The following WDFY3 variants were observed in gnomAD, a reference collection of about 807,000 sequenced individuals.
The protein encoded by WDFY3 is WD repeat and FYVE domain-containing protein 3.
Under a neutral mutation model 409.6 loss-of-function variants are expected in WDFY3, and 66 were observed. The observed-to-expected ratio is 0.16, with a 90% CI of 0.13 to 0.20. WDFY3 has a LOEUF of 0.20. Among genes scored for constraint, WDFY3 ranks in the 10% least tolerant of loss-of-function variants. The pLI is 1.00. For missense variants in WDFY3, 3,031 were observed against 4,298.1 expected, an observed-to-expected ratio of 0.71 and a Z score of 8.24; for synonymous variants, 1,521 against 1,537.1, an observed-to-expected ratio of 0.99 and a Z score of 0.25.
intron 30 of WDFY3, among the ~76,000 whole-genome samples, chr4:84,768,779 C>T (rs543284763): frequency 2.3e-4 from 35 of 152,152 alleles, no homozygotes; most frequent in Non-Finnish European, 4.1e-4. Flanking sequence ...TTTGAATTAA[C>T]TTCAAAGTTT....
chr4:84,853,302 C>T (rs2150139104), intron 4 of WDFY3, among the ~76,000 whole-genome samples: 1 of 152,222 alleles, frequency 6.6e-6, no homozygotes, highest in Admixed American at 6.5e-5. Flanking sequence ...TCCTGAGTAG[C>T]TGGGATTACA....
intron 51 of WDFY3, among the ~76,000 whole-genome samples, chr4:84,712,373 T>TAAAAAA (rs998951453): frequency 9.3e-5 from 7 of 75,072 alleles, no homozygotes; most frequent in Admixed American, 1.5e-4. Context: ...AGAAAAAAAT[T>TAAAAAA]AAAAAAAAAA....
intron 42 of WDFY3, 53 bp downstream of exon 42, chr4:84,736,117 G>A: frequency 6.6e-7 from 1 of 1,526,628 alleles, no homozygotes; most frequent in Non-Finnish European, 8.8e-7. Flanking sequence ...TACATGTTAA[G>A]TATATTATAC....
At chr4:84,816,495 T>G (rs889192898) in intron 13 of WDFY3, among the ~76,000 whole-genome samples, 1 of 152,104 alleles carries the variant, frequency 6.6e-6, no homozygotes, top group Non-Finnish European at 1.5e-5. Context: ...TCATAAGGAT[T>G]AAATAAGTAG....
At chr4:84,852,960 T>C (rs922900234) in intron 4 of WDFY3, among the ~76,000 whole-genome samples, 1 of 152,130 alleles carries the variant, frequency 6.6e-6, no homozygotes, top group African/African-American at 2.4e-5. Flanking sequence ...AATTTCGCCA[T>C]GTTGTACAGG....
In WDFY3 at chr4:84,672,608, C is replaced by T. The variant is rs550771195; in HGVS notation, c.*260G>A. The T allele has an allele frequency of 4.6e-5, 13 of 284,482 alleles. No homozygotes were observed. In the East Asian group the frequency reaches 8.3e-4, roughly 18 times the overall value. The allele number at this position is 284,482 out of a possible 1,614,324, so 17.6% of individuals were successfully genotyped here. A position where few individuals can be genotyped will look rare whatever the true frequency, so the allele number is the denominator to read the frequency against. On this transcript the variant is annotated 3_prime_UTR_variant, in exon 68 of 68. Coordinates refer to ENST00000295888, the MANE Select transcript of WDFY3 (RefSeq NM_014991.6). ...TTTTTCTCTTGGAGACAGCTACTGT[C>T]ATCAGGGAGAACTGGAGGTCGAAAG...
intron 4 of WDFY3, among the ~76,000 whole-genome samples, chr4:84,856,987 T>C (rs1759844158): frequency 6.6e-6 from 1 of 152,200 alleles, no homozygotes; most frequent in Non-Finnish European, 1.5e-5. Context: ...AGAACAATTT[T>C]AGTTTATTAA....
chr4:84,728,697 TA>T (rs995577883), intron 44 of WDFY3, among the ~76,000 whole-genome samples: 9 of 152,228 alleles, frequency 5.9e-5, no homozygotes, highest in South Asian at 2.1e-4. Flanking sequence ...TTTTTCCTGG[TA>T]CCATATGATA....
chr4:84,855,034 A>T (rs904939734), intron 4 of WDFY3, among the ~76,000 whole-genome samples: 5 of 152,040 alleles, frequency 3.3e-5, no homozygotes, highest in South Asian at 2.1e-4. Flanking sequence ...ATAACAGATT[A>T]AAAAAAAGGT....
At chr4:84,842,892 A>G (rs1757577651) in intron 5 of WDFY3, among the ~76,000 whole-genome samples, 1 of 152,274 alleles carries the variant, frequency 6.6e-6, no homozygotes. Context: ...TCAACTTAAC[A>G]TAAAATAAAA....
At chr4:84,771,783 T>C (rs1042049292) in intron 30 of WDFY3, among the ~76,000 whole-genome samples, 2 of 152,370 alleles carry the variant, frequency 1.3e-5, no homozygotes, top group East Asian at 3.9e-4. Flanking sequence ...TTCATTGATC[T>C]GATCTTTATA....
At chr4:84,804,431 G>A (rs201180935) in intron 15 of WDFY3, among the ~76,000 whole-genome samples, 5 of 152,078 alleles carry the variant, frequency 3.3e-5, no homozygotes, top group South Asian at 2.1e-4. Flanking sequence ...TGGCACTGCC[G>A]TGGTTTAAAA....
intron 1 of WDFY3, among the ~76,000 whole-genome samples, chr4:84,957,862 C>T (rs1774439444): frequency 6.6e-6 from 1 of 152,038 alleles, no homozygotes; most frequent in African/African-American, 2.4e-5. Flanking sequence ...ATTAGTGTTA[C>T]AGTTATTAAA....
At chr4:84,676,637 G>A (rs1358167853) in intron 67 of WDFY3, among the ~76,000 whole-genome samples, 1 of 151,226 alleles carries the variant, frequency 6.6e-6, no homozygotes, top group Non-Finnish European at 1.5e-5. Flanking sequence ...GGGAAATAAT[G>A]ATGATAAATT....
intron 24 of WDFY3, among the ~76,000 whole-genome samples, chr4:84,785,695 G>GT (rs1747432458): frequency 6.6e-6 from 1 of 152,156 alleles, no homozygotes; most frequent in Non-Finnish European, 1.5e-5. Flanking sequence ...CTTAAAAACA[G>GT]TAATTGTTTT....
chr4:84,779,929 A>G (rs1244034872), intron 26 of WDFY3, among the ~76,000 whole-genome samples, 179 bp downstream of exon 26: 1 of 152,242 alleles, frequency 6.6e-6, no homozygotes, highest in Admixed American at 6.5e-5. Flanking sequence ...GATAAAGCAA[A>G]ATAAAGAAAC....
At chr4:84,741,465 C>A (rs1214874013) in intron 38 of WDFY3, among the ~76,000 whole-genome samples, 1 of 151,948 alleles carries the variant, frequency 6.6e-6, no homozygotes, top group Non-Finnish European at 1.5e-5. Flanking sequence ...CAGGCGCGCA[C>A]CAACATGCCT....
At chr4:84,739,203 T>C (rs1377202336) in intron 39 of WDFY3, 84 bp from the exon 40 acceptor site, 1 of 1,344,758 alleles carries the variant, frequency 7.4e-7, no homozygotes, top group Non-Finnish European at 1.1e-6. Context: ...CTATTTCCAT[T>C]ACCAGCAGAC....
chr4:84,737,315 T>C lies in WDFY3; in HGVS notation c.6626A>G (p.His2209Arg). ...AVNRVWTELI[H>R]SKKQVLEELF... is the part of the protein sequence containing the mutation. ...TTCCTCTAAGACTTGTTTCTTACTATGTATCAGTTCAGTCCAAACTCTGTT... is the reference window on the plus strand; with the variant it reads ...TTCCTCTAAGACTTGTTTCTTACTACGTATCAGTTCAGTCCAAACTCTGTT... Residue 2209 changes from histidine (H) to arginine (R), a missense_variant, in exon 41 of 68, where the codon CAT becomes CGT. By Grantham distance (29) the His-to-Arg change is conservative (BLOSUM62 0). Around this residue, in one of 16 missense-constraint regions of WDFY3, gnomAD observed 314 missense variants for 397.4 expected, o/e 0.79. Coordinates refer to ENST00000295888, the MANE Select transcript of WDFY3 (RefSeq NM_014991.6). 2 of 1,613,568 alleles carry C rather than the reference T, an allele frequency of 1.2e-6. No homozygotes were observed. The highest frequency in any genetic ancestry group is 2.2e-5 in the South Asian group (2 of 91,008).
Sources: allele counts gnomAD v4.1 joint callset (sites outside exome capture counted in the v4.1 genomes callset), GRCh38; gene constraint gnomAD v4.1.1; regional missense constraint gnomAD v4.1.1; transcripts MANE v1.5; gene names NCBI Gene and HGNC (gene_info 2026-07-23, HGNC 2026-07-21).